The following PRELID2 variants were observed in gnomAD, a reference collection of about 807,000 sequenced individuals.
PRELID2 encodes the protein PRELI domain-containing protein 2.
A neutral mutation model predicts 28.4 loss-of-function variants in PRELID2; 25 were observed. The observed-to-expected ratio is 0.88, with a 90% CI of 0.64 to 1.23. The LOEUF (loss-of-function observed/expected upper bound fraction) is 1.23. PRELID2 is among the 50% of genes most tolerant of loss of function. PRELID2 has a pLI of 0.00. For missense variants in PRELID2, 201 were observed against 214.4 expected (o/e 0.94, Z 0.39); for synonymous variants, 76 against 71.6 (o/e 1.06, Z -0.31).
the PRELID2 span, among the ~76,000 whole-genome samples, chr5:145,446,767 C>G: frequency 6.6e-6 from 1 of 152,070 alleles, no homozygotes; most frequent in Non-Finnish European, 1.5e-5. Flanking sequence ...AAATCTGAGG[C>G]CAGGAGCAGT....
the PRELID2 span, among the ~76,000 whole-genome samples, chr5:145,275,032 A>G: frequency 2.0e-5 from 3 of 152,154 alleles, no homozygotes; most frequent in Non-Finnish European, 4.4e-5. Context: ...TTATAAGGAC[A>G]CAAGTGATAT....
chr5:145,834,444 T>G (rs534402280), intron 1 of PRELID2, among the ~76,000 whole-genome samples: 1 of 152,324 alleles, frequency 6.6e-6, no homozygotes, highest in African/African-American at 2.4e-5. Context: ...TATAAATTCT[T>G]GGTAAACAAC....
At chr5:145,766,225 A>G (rs1415304700) in intron 5 of PRELID2, among the ~76,000 whole-genome samples, 2 of 152,162 alleles carry the variant, frequency 1.3e-5, no homozygotes, top group African/African-American at 4.8e-5. Flanking sequence ...TGAGCCTGAG[A>G]ATTCTTGCAG....
At chr5:145,626,762 T>C (rs1221957897) in intron 1 of PRELID2, among the ~76,000 whole-genome samples, 2 of 152,108 alleles carry the variant, frequency 1.3e-5, no homozygotes, top group East Asian at 3.9e-4. Flanking sequence ...AGCAAAGTCA[T>C]GGAATCAACC....
intron 1 of PRELID2, among the ~76,000 whole-genome samples, chr5:145,483,300 A>G (rs1752179354): frequency 6.6e-6 from 1 of 152,148 alleles, no homozygotes; most frequent in South Asian, 2.1e-4. Flanking sequence ...CTGAGCCTAC[A>G]TTACAAATAG....
intron 1 of PRELID2, among the ~76,000 whole-genome samples, chr5:145,486,520 C>T (rs1203160093): frequency 6.6e-6 from 1 of 152,174 alleles, no homozygotes; most frequent in Non-Finnish European, 1.5e-5. Flanking sequence ...CACCACACCC[C>T]ACAACCTCCA....
At chr5:145,416,200 G>A in the PRELID2 span, among the ~76,000 whole-genome samples, 8 of 151,870 alleles carry the variant, frequency 5.3e-5, no homozygotes, top group Non-Finnish European at 7.4e-5. Flanking sequence ...CAGATGAGTC[G>A]GTTGGCTAGC....
At chr5:145,464,867 T>C in the PRELID2 span, among the ~76,000 whole-genome samples, 1 of 152,104 alleles carries the variant, frequency 6.6e-6, no homozygotes, top group Non-Finnish European at 1.5e-5. Flanking sequence ...ATTTAATATT[T>C]TTAATATTTG....
intron 1 of PRELID2, among the ~76,000 whole-genome samples, chr5:145,528,716 CACACACACACAGAGAGAGAG>C (rs1003026147): frequency 7.5e-6 from 1 of 133,406 alleles, no homozygotes; most frequent in African/African-American, 2.9e-5. Context: ...CACACACACA[CACACACACACAGAGAGAGAG>C]AGAGAGAGAG....
the PRELID2 span, among the ~76,000 whole-genome samples, chr5:145,423,790 C>T: frequency 7.7e-6 from 1 of 130,290 alleles, no homozygotes; most frequent in East Asian, 2.1e-4. Context: ...GAACTGCGTT[C>T]CTTTGGAGGA....
intron 4 of PRELID2, among the ~76,000 whole-genome samples, chr5:145,802,871 G>A (rs532012818): frequency 4.1e-4 from 62 of 152,246 alleles, no homozygotes; most frequent in African/African-American, 1.5e-3. Flanking sequence ...AAGTTCAGGG[G>A]AAATATGGAT....
chr5:145,696,079 A>C (rs1049557574), intron 1 of PRELID2, among the ~76,000 whole-genome samples: 11 of 151,338 alleles, frequency 7.3e-5, no homozygotes, highest in African/African-American at 2.4e-4. Context: ...ATATAACTCT[A>C]TATATATCTA....
chr5:145,302,196 G>A, the PRELID2 span, among the ~76,000 whole-genome samples: 11 of 150,524 alleles, frequency 7.3e-5, no homozygotes, highest in East Asian at 2.2e-3. Context: ...GTCTCACTTT[G>A]TCCCCCAGGC....
chr5:145,442,605 G>T, the PRELID2 span, among the ~76,000 whole-genome samples: 5 of 152,016 alleles, frequency 3.3e-5, no homozygotes, highest in Admixed American at 6.6e-5. Flanking sequence ...TAGTGAGGGT[G>T]GGGGTAGGTT....
At chr5:145,255,387 A>G in the PRELID2 span, among the ~76,000 whole-genome samples, 1 of 152,122 alleles carries the variant, frequency 6.6e-6, no homozygotes, top group Non-Finnish European at 1.5e-5. Flanking sequence ...AAAAGAAATA[A>G]AAACTATAGT....
the PRELID2 span, among the ~76,000 whole-genome samples, chr5:145,412,145 A>T: frequency 6.6e-6 from 1 of 152,132 alleles, no homozygotes; most frequent in African/African-American, 2.4e-5. Flanking sequence ...TGTCTTGGTG[A>T]TTAATATTTG....
Position 145,820,097 on chromosome 5 carries a change from T to C in PRELID2, c.134-79A>G, listed in dbSNP as rs144632328. ...TTAGTGTCAATAAATCTTGCGGGGG[T>C]GGGGTTTTTTTGTTTTTTGTTTTTT... On this transcript the variant is annotated intron_variant, in intron 2 of 6. Coordinates refer to ENST00000683046, the MANE Select transcript of PRELID2 (RefSeq NM_205846.3). 718 of 834,562 alleles carry C rather than the reference T, an allele frequency of 8.6e-4. 3 individuals are homozygous for C. The African/African-American group carries it at 0.013, about 15-fold the overall frequency. 51.7% of individuals were successfully genotyped at this position (834,562 alleles called of 1,614,324 possible).
intron 2 of PRELID2, among the ~76,000 whole-genome samples, chr5:145,821,919 T>A (rs529948772): frequency 3.9e-5 from 6 of 152,242 alleles, no homozygotes; most frequent in African/African-American, 1.4e-4. Flanking sequence ...ACCAAGGTAG[T>A]AATGAAATCA....
chr5:145,699,490 G>A (rs1374557389), intron 1 of PRELID2, among the ~76,000 whole-genome samples: 2 of 152,040 alleles, frequency 1.3e-5, no homozygotes, highest in East Asian at 1.9e-4. Context: ...AAATCTGAGG[G>A]TCATACCTAG....
Sources: gnomAD v4.1 joint callset for allele counts (sites outside exome capture counted in the v4.1 genomes callset) on GRCh38, gnomAD v4.1.1 for gene constraint, MANE v1.5 for transcripts, NCBI Gene and HGNC (gene_info 2026-07-23, HGNC 2026-07-21) for gene names.